The following TMEM161A variants were observed in gnomAD, a reference collection of about 807,000 sequenced individuals.
The protein encoded by TMEM161A is transmembrane protein 161A.
In TMEM161A, 46 loss-of-function variants were observed where a neutral mutation model predicts 57.1. That is an observed-to-expected ratio of 0.81 (90% confidence interval 0.64 to 1.03). The LOEUF is 1.03. TMEM161A is among the 50% of genes least tolerant of loss of function. The pLI is 0.00. For missense variants in TMEM161A, 601 were observed against 621.5 expected (o/e 0.97, Z 0.35); for synonymous variants, 288 against 279.0 (o/e 1.03, Z -0.32).
intron 6 of TMEM161A, among the ~76,000 whole-genome samples, chr19:19,126,502 ATTGCTTGAG>A (rs1286139444): frequency 6.6e-6 from 1 of 152,166 alleles, no homozygotes; most frequent in Non-Finnish European, 1.5e-5. Context: ...GAGGCTGGCG[ATTGCTTGAG>A]TTCAAGAGTT....
chr19:19,129,205 A>C (rs1185042210), intron 6 of TMEM161A, among the ~76,000 whole-genome samples: 1 of 152,056 alleles, frequency 6.6e-6, no homozygotes, highest in Non-Finnish European at 1.5e-5. Context: ...CCTACTTATT[A>C]TTTGAGGGGT....
intron 6 of TMEM161A, among the ~76,000 whole-genome samples, chr19:19,129,557 G>A (rs935508714): frequency 6.6e-6 from 1 of 151,736 alleles, no homozygotes; most frequent in African/African-American, 2.4e-5. Flanking sequence ...ACCAGCCTGG[G>A]CAACATAGTG....
At position 19,121,155 on chromosome 19, in the gene TMEM161A, G is replaced by A. The variant is rs767432046; in HGVS notation, c.926C>T (p.Ser309Phe). 3 of 1,606,400 alleles carry A rather than the reference G, an allele frequency of 1.9e-6. No homozygotes were observed. Among genetic ancestry groups the A allele is most frequent in the Non-Finnish European group, 2.5e-6 (3 of 1,176,548 alleles). ...CCAGAGGCGCCCAGAGTCGAAGGCA[G>A]AATCGGACAGCCTGTGCGGAGAGGG... ...GETRFSLLSD[S>F]AFDSGRLWLL... The change falls in exon 10 of 12, where the codon TCT becomes TTT. Residue 309 changes from serine (S) to phenylalanine (F), a missense_variant. Transcript: ENST00000162044. The surrounding 1 kb of genome is among the most constrained non-coding windows in gnomAD (Gnocchi z 5.8).
Position 19,121,455 on chromosome 19 carries a change from G to C in TMEM161A, c.801-34C>G, listed in dbSNP as rs1416839023. On this transcript the variant is annotated intron_variant, in intron 8 of 11. Transcript: ENST00000162044. The surrounding 1 kb of genome is among the most constrained non-coding windows in gnomAD (Gnocchi z 5.8). Reference sequence around the variant, plus strand: ...TGAGGGCAGGAGGGAGTGAGGCCTGGGTACCCCCTCTCCTCGAGTCTCTCC... The same window carrying C: ...TGAGGGCAGGAGGGAGTGAGGCCTGCGTACCCCCTCTCCTCGAGTCTCTCC... The C allele has an allele frequency of 1.2e-6, 2 of 1,613,466 alleles. No individual in the cohort carries two copies. Among genetic ancestry groups the C allele is most frequent in the African/African-American group, 1.3e-5 (1 of 74,928 alleles).
chr19:19,121,638 C>G lies in TMEM161A; in HGVS notation c.687G>C (p.Val229=). Residue 229 remains valine, a synonymous_variant, in exon 8 of 12, where the codon GTG becomes GTC. Coordinates refer to ENST00000162044, the MANE Select transcript of TMEM161A (RefSeq NM_017814.3). The surrounding 1 kb of genome is among the most constrained non-coding windows in gnomAD (Gnocchi z 5.8). Reference sequence around the variant, plus strand: ...GCACAGAGCCCACCACTGCCAGTCCCACGCGGATAGCCAGCTTGGCCACAG... The same window carrying G: ...GCACAGAGCCCACCACTGCCAGTCCGACGCGGATAGCCAGCTTGGCCACAG... ...ALPVAKLAIR[V]GLAVVGSVLG... The G allele has an allele frequency of 1.2e-6, 2 of 1,613,968 alleles. No individual in the cohort carries two copies. The highest frequency in any genetic ancestry group is 1.7e-6 in the Non-Finnish European group (2 of 1,179,910).
At chr19:19,123,894 T>C (rs1373658125) in intron 6 of TMEM161A, among the ~76,000 whole-genome samples, 3 of 152,136 alleles carry the variant, frequency 2.0e-5, no homozygotes, top group Middle Eastern at 3.4e-3. Flanking sequence ...ACCCTGGCTC[T>C]ACTAAAAATC....
At chr19:19,128,229 T>TG (rs929719467) in intron 6 of TMEM161A, among the ~76,000 whole-genome samples, 9 of 108,654 alleles carry the variant, frequency 8.3e-5, no homozygotes, top group African/African-American at 2.6e-4. Context: ...CTAAATAGAC[T>TG]TTTTTTTTTT....
In TMEM161A at chr19:19,121,413, AG is replaced by A; in HGVS notation, c.808del (p.Leu270CysfsTer60). On this transcript the variant is annotated frameshift_variant, in exon 9 of 12. Transcript: ENST00000162044. LOFTEE classifies it high-confidence loss of function. This position sits in a 1 kb window ranked among gnomAD's most constrained non-coding sequence, Gnocchi z 5.8. ...CAGGGGAGACAGGAAGCTGGTGTGC[AG>A]GAGGAACCTGGGGGGTGAGGGCAGG... The part of the protein sequence containing the change: ...SEDRPMLQFL[L>X]HTSFLSPLFI... 6.2e-7 allele frequency: 1 copy of A among 1,613,792 alleles called. No homozygotes were observed. Among genetic ancestry groups the A allele is most frequent in the Non-Finnish European group, 8.5e-7 (1 of 1,179,800 alleles).
Position 19,133,000 on chromosome 19 carries a change from A to T in TMEM161A, c.188+130T>A. Reference sequence around the variant, plus strand: ...AGGGTCTCCCGGTTCACCTGTGCCCAGATCAGCGCCTGGAAGTATGGGTGG... The same window carrying T: ...AGGGTCTCCCGGTTCACCTGTGCCCTGATCAGCGCCTGGAAGTATGGGTGG... On this transcript the variant is annotated intron_variant, in intron 3 of 11. Transcript: ENST00000162044. This position sits in a 1 kb window ranked among gnomAD's most constrained non-coding sequence, Gnocchi z 4.3. The T allele has an allele frequency of 1.2e-6, 1 of 846,220 alleles. No homozygotes were observed. Among genetic ancestry groups the T allele is most frequent in the South Asian group, 1.8e-5 (1 of 56,684 alleles). 52.4% of individuals were successfully genotyped at this position (846,220 alleles called of 1,614,324 possible). A position where few individuals can be genotyped will look rare whatever the true frequency, so the allele number is the denominator to read the frequency against.
chr19:19,131,693 T>G (rs1239633773), intron 5 of TMEM161A, among the ~76,000 whole-genome samples: 1 of 152,094 alleles, frequency 6.6e-6, no homozygotes, highest in Non-Finnish European at 1.5e-5. Flanking sequence ...CCCCGGCTAA[T>G]TTTTGTACTT....
rs767450009 is a variant in TMEM161A at position 19,120,095 on chromosome 19, G to A, written c.1275C>T (p.Asp425=). The A allele has an allele frequency of 2.5e-6, 4 of 1,580,362 alleles. No individual in the cohort carries two copies. The highest frequency in any genetic ancestry group is 1.3e-5 in the African/African-American group (1 of 74,308). ...ASAAPIGSGE[D]EVQQTAARIA... is the part of the protein sequence containing the mutation. ...TCCGCGCTGCAGTCTGCTGGACTTC[G>A]TCCTCCCCAGAGCCGATGGGGGCAG... Residue 425 remains aspartate, a synonymous_variant, in exon 12 of 12, where the codon GAC becomes GAT. Coordinates refer to ENST00000162044, the MANE Select transcript of TMEM161A (RefSeq NM_017814.3).
chr19:19,124,526 T>A (rs572612976), intron 6 of TMEM161A, among the ~76,000 whole-genome samples: 2 of 152,376 alleles, frequency 1.3e-5, no homozygotes, highest in African/African-American at 4.8e-5. Flanking sequence ...ATGTATTTTT[T>A]AAAGATCTAT....
In TMEM161A at chr19:19,121,532, T is replaced by C; in HGVS notation, c.793A>G (p.Met265Val). The change falls in exon 8 of 12, where the codon ATG (methionine) becomes GTG (valine). Residue 265 changes from methionine (M) to valine (V), a missense_variant. By Grantham distance (21) the Met-to-Val change is conservative. Coordinates refer to ENST00000162044, the MANE Select transcript of TMEM161A (RefSeq NM_017814.3). The surrounding 1 kb of genome is among the most constrained non-coding windows in gnomAD (Gnocchi z 5.8). ...CCAAGCGACCCACTTAACTGCAGCA[T>C]GGGTCTGTCCTCCGACATGGTCAGT... ...DALTMSEDRP[M>V]LQFLLHTSFL... 6.2e-7 allele frequency: 1 copy of C among 1,613,838 alleles called. No individual in the cohort carries two copies. The highest frequency in any genetic ancestry group is 8.5e-7 in the Non-Finnish European group (1 of 1,179,888).
chr19:19,121,336 G>T lies in TMEM161A; in HGVS notation c.886C>A (p.Pro296Thr), dbSNP rs2059909212. ...KPIARDFLHQPPFGETRFSLL... is the reference protein window; with the variant it reads ...KPIARDFLHQTPFGETRFSLL... The stretch of plus-strand genomic sequence containing the variant: ...GAGAAACGCGTCTCCCCAAACGGCG[G>T]CTGGTGCAGGAAGTCCCGTGCAATG... Residue 296 changes from proline (P) to threonine (T), a missense_variant, in exon 9 of 12, where the codon CCG becomes ACG. Transcript: ENST00000162044. This position sits in a 1 kb window ranked among gnomAD's most constrained non-coding sequence, Gnocchi z 5.8. 3.2e-6 allele frequency: 5 copies of T among 1,582,166 alleles called. No individual in the cohort carries two copies. Among genetic ancestry groups the T allele is most frequent in the Non-Finnish European group, 4.3e-6 (5 of 1,164,876 alleles).
At chr19:19,138,039 A>AGGACCCCCGTCCCCAGAGT (rs1159729230) in intron 1 of TMEM161A, among the ~76,000 whole-genome samples, 3 of 152,102 alleles carry the variant, frequency 2.0e-5, no homozygotes, top group Non-Finnish European at 4.4e-5. Flanking sequence ...ACGCTCCTGC[A>AGGACCCCCGTCCCCAGAGT]GGACCCCCGT....
chr19:19,134,808 G>A lies in TMEM161A; in HGVS notation c.83C>T (p.Ala28Val), dbSNP rs1486241314. The part of the protein sequence containing the change: ...MHRLAPHCSF[A>V]RWLLCNGSLF... ...CCTGCCGTTACAGAGCAGCCAGCGC[G>A]CGAAGGAGCAGTGTGGCGCCAGCCT... The change falls in exon 2 of 12, where the codon GCG (alanine) becomes GTG (valine). Residue 28 changes from alanine to valine, a missense_variant. Transcript: ENST00000162044. The A allele has an allele frequency of 6.3e-7, 1 of 1,587,886 alleles. No individual in the cohort carries two copies. The highest frequency in any genetic ancestry group is 1.1e-5 in the South Asian group (1 of 87,090).
chr19:19,132,208 C>T lies in TMEM161A; in HGVS notation c.443+144G>A. On this transcript the variant is annotated intron_variant, in intron 5 of 11. Transcript: ENST00000162044. This position sits in a 1 kb window ranked among gnomAD's most constrained non-coding sequence, Gnocchi z 4.3. ...TCTGTCCACCCACAGAGCTGGAGCACATAAAATGTCTGCTTCATGTCACTA... is the reference window on the plus strand; with the variant it reads ...TCTGTCCACCCACAGAGCTGGAGCATATAAAATGTCTGCTTCATGTCACTA... 7.3e-6 allele frequency: 7 copies of T among 952,514 alleles called. No individual in the cohort carries two copies. Among genetic ancestry groups the T allele is most frequent in the Non-Finnish European group, 1.1e-5 (7 of 644,124 alleles). The allele number at this position is 952,514 out of a possible 1,614,324, so 59.0% of individuals were successfully genotyped here.
At chr19:19,120,590 A>C (rs1388410060) in intron 11 of TMEM161A, among the ~76,000 whole-genome samples, 175 bp downstream of exon 11, 1 of 151,190 alleles carries the variant, frequency 6.6e-6, no homozygotes, top group African/African-American at 2.4e-5. Flanking sequence ...TTCCTGTCCA[A>C]GGCAAGCCCC....
chr19:19,138,474 C>A lies in TMEM161A; in HGVS notation c.-46G>T. ...GCACTCACCCACCGGCCTAGGGCTC[C>A]GGGCACTCTGCGGAAACTCGACCAA... On this transcript the variant is annotated 5_prime_UTR_variant, in exon 1 of 12. Coordinates refer to ENST00000162044, the MANE Select transcript of TMEM161A (RefSeq NM_017814.3). 6.3e-7 allele frequency: 1 copy of A among 1,580,980 alleles called. No homozygotes were observed. The highest frequency in any genetic ancestry group is 2.3e-5 in the East Asian group (1 of 42,838).
Sources: allele counts gnomAD v4.1 joint callset (sites outside exome capture counted in the v4.1 genomes callset), GRCh38; gene constraint gnomAD v4.1.1; non-coding constraint Gnocchi (gnomAD v3.1); transcripts MANE v1.5; gene names NCBI Gene and HGNC (gene_info 2026-07-23, HGNC 2026-07-21).